GRID2: variants seen among roughly 807,000 people sequenced by gnomAD.
The protein encoded by GRID2 is glutamate receptor ionotropic, delta-2.
Under a neutral mutation model 114.8 loss-of-function variants are expected in GRID2, and 33 were observed. The observed-to-expected ratio is 0.29, with a 90% CI of 0.22 to 0.38. The LOEUF (loss-of-function observed/expected upper bound fraction) is 0.38. Among genes scored for constraint, GRID2 ranks in the 10% least tolerant of loss-of-function variants. GRID2 has a pLI of 1.00. For missense variants in GRID2, 1,184 were observed against 1,257.7 expected (o/e 0.94, Z 0.89); for synonymous variants, 505 against 449.9 (o/e 1.12, Z -1.55).
At chr4:92,653,306 C>CAG (rs765460504) in intron 2 of GRID2, among the ~76,000 whole-genome samples, 1 of 144,554 alleles carries the variant, frequency 6.9e-6, no homozygotes, top group East Asian at 2.1e-4. Flanking sequence ...GCCAAAATTA[C>CAG]ACACACACAC....
At chr4:92,677,879 A>G (rs971784299) in intron 2 of GRID2, among the ~76,000 whole-genome samples, 1 of 152,056 alleles carries the variant, frequency 6.6e-6, no homozygotes, top group African/African-American at 2.4e-5. Flanking sequence ...CATCCAGGGA[A>G]GTTATGTTAC....
intron 1 of GRID2, among the ~76,000 whole-genome samples, chr4:92,473,221 T>C (rs1209619651): frequency 1.3e-5 from 2 of 152,114 alleles, no homozygotes; most frequent in Non-Finnish European, 2.9e-5. Context: ...TGTTTCACTT[T>C]TAGATTCTCC....
At chr4:92,657,819 C>T (rs544741920) in intron 2 of GRID2, among the ~76,000 whole-genome samples, 1 of 151,794 alleles carries the variant, frequency 6.6e-6, no homozygotes, top group East Asian at 1.9e-4. Flanking sequence ...TCATTCAGAA[C>T]ATTGTCCTTC....
intron 13 of GRID2, among the ~76,000 whole-genome samples, chr4:93,612,510 G>T (rs1216434599): frequency 3.4e-5 from 4 of 116,264 alleles, no homozygotes; most frequent in African/African-American, 1.3e-4. Context: ...AGGCCTGGTG[G>T]TGACAAAATC....
At chr4:93,802,926 C>G (rs1037636651) in intron 1 of GRID2, among the ~76,000 whole-genome samples, 1 of 152,084 alleles carries the variant, frequency 6.6e-6, no homozygotes, top group Admixed American at 6.5e-5. Context: ...GTTGATAAAC[C>G]CCTTGTGCAA....
intron 2 of GRID2, among the ~76,000 whole-genome samples, chr4:93,071,070 G>A (rs751291990): frequency 6.6e-5 from 10 of 152,110 alleles, no homozygotes; most frequent in Non-Finnish European, 1.5e-4. Flanking sequence ...TTCAAATAGT[G>A]TGCATAGGGA....
chr4:93,494,660 A>G (rs1312224633), intron 12 of GRID2, among the ~76,000 whole-genome samples: 1 of 151,768 alleles, frequency 6.6e-6, no homozygotes, highest in Non-Finnish European at 1.5e-5. Context: ...GTTTAATATA[A>G]TATAATGAGA....
rs201483821 is a variant in GRID2, at chr4:92,750,637, A to T, written c.244+160351A>T. On this transcript the variant is annotated intron_variant, in intron 2 of 15. Coordinates refer to ENST00000282020, the MANE Select transcript of GRID2 (RefSeq NM_001510.4). The stretch of plus-strand genomic sequence containing the variant: ...AACATTTCTTATGTCAGTAGCCTCC[A>T]GCCTGTATAATACATTTTGAAAAGT... Among the ~76,000 whole-genome samples, 18 of 152,318 alleles carry T rather than the reference A, an allele frequency of 1.2e-4. 1 individual carries two copies. In the East Asian group the frequency reaches 3.5e-3, roughly 29 times the overall value.
At chr4:93,071,364 C>T (rs1237317821) in intron 2 of GRID2, among the ~76,000 whole-genome samples, 2 of 152,054 alleles carry the variant, frequency 1.3e-5, no homozygotes, top group African/African-American at 4.8e-5. Flanking sequence ...ACAGACCAAT[C>T]TGTGTTCTAG....
At chr4:93,025,495 C>G (rs1287491478) in intron 2 of GRID2, among the ~76,000 whole-genome samples, 1 of 151,702 alleles carries the variant, frequency 6.6e-6, no homozygotes, top group Non-Finnish European at 1.5e-5. Context: ...ATCAGGTCCT[C>G]TAGTTGTCAA....
intron 4 of GRID2, among the ~76,000 whole-genome samples, chr4:93,146,358 T>C (rs1312452106): frequency 2.0e-5 from 3 of 152,192 alleles, no homozygotes; most frequent in Non-Finnish European, 4.4e-5. Flanking sequence ...GGCAATTCAA[T>C]TTTGATAAAA....
chr4:92,531,648 A>C (rs1725362149), intron 1 of GRID2, among the ~76,000 whole-genome samples: 1 of 152,252 alleles, frequency 6.6e-6, no homozygotes, highest in Non-Finnish European at 1.5e-5. Flanking sequence ...TAGAGGAATG[A>C]TCATGGAGAG....
At chr4:92,791,580 C>A (rs1739595155) in intron 2 of GRID2, among the ~76,000 whole-genome samples, 2 of 151,646 alleles carry the variant, frequency 1.3e-5, no homozygotes, top group African/African-American at 4.8e-5. Context: ...CTGTAGAAAA[C>A]AGAATAATCA....
intron 2 of GRID2, among the ~76,000 whole-genome samples, chr4:92,842,963 G>T (rs370256270): frequency 2.6e-5 from 4 of 152,240 alleles, no homozygotes; most frequent in Admixed American, 1.3e-4. Flanking sequence ...TTAAAGCCAG[G>T]CATGGTGTTT....
chr4:93,540,731 T>C (rs1227852106), intron 13 of GRID2, among the ~76,000 whole-genome samples: 2 of 152,162 alleles, frequency 1.3e-5, no homozygotes, highest in African/African-American at 4.8e-5. Context: ...ACCTGGAAAA[T>C]GGAAAGCACA....
intron 8 of GRID2, among the ~76,000 whole-genome samples, chr4:93,391,487 C>A (rs1764848277): frequency 6.6e-6 from 1 of 152,122 alleles, no homozygotes; most frequent in Middle Eastern, 3.2e-3. Context: ...TTGTGTCCGG[C>A]AGCTGGAGCA....
Position 92,619,621 on chromosome 4 carries a change from C to A in GRID2, c.244+29335C>A, listed in dbSNP as rs79397180. 4.9e-3 allele frequency among the ~76,000 whole-genome samples: 746 copies of A among 151,764 alleles called. 14 individuals carry two copies. In the East Asian group the frequency reaches 0.065, roughly 13 times the overall value. On this transcript the variant is annotated intron_variant, in intron 2 of 15. Transcript: ENST00000282020. ...AATCAAATCAGCTCCCCTCCCAACC[C>A]CGGCATGGAAGCTGTTGGTTTTTAT... is the stretch of plus-strand genomic sequence containing the variant.
chr4:92,965,450 TAAAAAAAAAAA>T (rs869285420), intron 2 of GRID2, among the ~76,000 whole-genome samples: 34 of 85,766 alleles, frequency 4.0e-4, no homozygotes, highest in East Asian at 7.5e-4. Flanking sequence ...ATTCAATTTG[TAAAAAAAAAAA>T]AAAAAAAAAA....
At chr4:92,758,903 A>C (rs1316625977) in intron 2 of GRID2, among the ~76,000 whole-genome samples, 1 of 152,192 alleles carries the variant, frequency 6.6e-6, no homozygotes, top group Non-Finnish European at 1.5e-5. Context: ...TTATGCATGG[A>C]GAGCAGCAAA....
Sources: gnomAD v4.1 joint callset for allele counts (sites outside exome capture counted in the v4.1 genomes callset) on GRCh38, gnomAD v4.1.1 for gene constraint, MANE v1.5 for transcripts, NCBI Gene and HGNC (gene_info 2026-07-23, HGNC 2026-07-21) for gene names.